RGS9: variants seen among roughly 807,000 people sequenced by gnomAD.
The protein encoded by RGS9 is regulator of G-protein signalling 9.
Under a neutral mutation model 102.0 loss-of-function variants are expected in RGS9, and 78 were observed. The observed-to-expected ratio is 0.76, with a 90% CI of 0.64 to 0.92. RGS9 has a LOEUF of 0.92. RGS9 is among the 40% of genes least tolerant of loss of function. The probability of loss-of-function intolerance (pLI) is 0.00; values close to 1 mark genes in which losing one functional copy is unlikely to be tolerated. For missense variants in RGS9, 833 were observed against 866.1 expected, an observed-to-expected ratio of 0.96 and a Z score of 0.48; for synonymous variants, 353 against 318.6, an observed-to-expected ratio of 1.11 and a Z score of -1.15.
intron 14 of RGS9, 119 bp from the exon 15 acceptor site, chr17:65,204,044 A>C (rs1190852883): frequency 8.2e-7 from 1 of 1,226,684 alleles, no homozygotes; most frequent in Admixed American, 1.9e-5. Flanking sequence ...TCCTAAAAAA[A>C]CCACCACCCT....
At chr17:65,162,458 ATTTATTTATTT>A (rs1355553084) in intron 6 of RGS9, among the ~76,000 whole-genome samples, 4 of 151,774 alleles carry the variant, frequency 2.6e-5, no homozygotes, top group African/African-American at 4.8e-5. Context: ...ACATTTATTT[ATTTATTTATTT>A]TTTATTTATT....
At chr17:65,156,283 A>T (rs1910764413) in intron 2 of RGS9, among the ~76,000 whole-genome samples, 1 of 152,214 alleles carries the variant, frequency 6.6e-6, no homozygotes, top group Non-Finnish European at 1.5e-5. Flanking sequence ...TCGGCCTCCC[A>T]AAGTGCCGGG....
At chr17:65,200,310 G>T (rs1293255175) in intron 13 of RGS9, among the ~76,000 whole-genome samples, 2 of 152,188 alleles carry the variant, frequency 1.3e-5, no homozygotes, top group Non-Finnish European at 2.9e-5. Context: ...GATTACAGGC[G>T]TGAGCCACCC....
At chr17:65,183,558 G>C (rs746110007) in intron 9 of RGS9, among the ~76,000 whole-genome samples, 1 of 152,094 alleles carries the variant, frequency 6.6e-6, no homozygotes, top group African/African-American at 2.4e-5. Flanking sequence ...TGGCCTCCCA[G>C]GGTGCTGGGA....
At chr17:65,215,485 T>TTTCA (rs1208624554) in intron 17 of RGS9, among the ~76,000 whole-genome samples, 1 of 125,106 alleles carries the variant, frequency 8.0e-6, no homozygotes, top group African/African-American at 3.3e-5. Flanking sequence ...TCTATCTTTC[T>TTTCA]TTCGTTCTTT....
chr17:65,158,991 A>C (rs1910878085), intron 3 of RGS9, among the ~76,000 whole-genome samples: 1 of 152,200 alleles, frequency 6.6e-6, no homozygotes. Flanking sequence ...GAATCACAAA[A>C]GAAGTGATAT....
chr17:65,148,480 A>G (rs1046187881), intron 1 of RGS9, among the ~76,000 whole-genome samples: 3 of 152,104 alleles, frequency 2.0e-5, no homozygotes, highest in Non-Finnish European at 4.4e-5. Context: ...AATTTTTCTG[A>G]TGAACCTCCA....
intron 8 of RGS9, among the ~76,000 whole-genome samples, chr17:65,171,408 C>T (rs934483077): frequency 6.6e-6 from 1 of 152,186 alleles, no homozygotes; most frequent in African/African-American, 2.4e-5. Flanking sequence ...CAGTAGCCTG[C>T]TCAGTTCTGG....
At chr17:65,177,152 GTCCATCCATCCA>G (rs369454296) in intron 8 of RGS9, among the ~76,000 whole-genome samples, 2 of 121,480 alleles carry the variant, frequency 1.6e-5, no homozygotes. Context: ...TTATCTGTCC[GTCCATCCATCCA>G]TCCATCCATC....
At chr17:65,165,201 G>A (rs1217752852) in intron 7 of RGS9, among the ~76,000 whole-genome samples, 1 of 152,084 alleles carries the variant, frequency 6.6e-6, no homozygotes, top group African/African-American at 2.4e-5. Context: ...TGGGCGCTCT[G>A]GGTGCTCTTG....
intron 9 of RGS9, among the ~76,000 whole-genome samples, chr17:65,186,162 T>TTTTATATA (rs1912109462): frequency 7.2e-6 from 1 of 137,968 alleles, no homozygotes; most frequent in African/African-American, 2.8e-5. Flanking sequence ...TTGGTTTACA[T>TTTTATATA]TTTATTTATT....
chr17:65,196,777 C>T (rs769568446), intron 12 of RGS9, among the ~76,000 whole-genome samples: 11 of 152,220 alleles, frequency 7.2e-5, no homozygotes, highest in Non-Finnish European at 5.9e-5. Flanking sequence ...GTCCAGGTGG[C>T]AGCCTGACCC....
rs1364302196 is a variant in RGS9 at position 65,150,991 on chromosome 17, C to A, written c.58-2431C>A. 2.6e-5 allele frequency among the ~76,000 whole-genome samples: 4 copies of A among 152,284 alleles called. No individual in the cohort carries two copies. The East Asian group carries it at 7.7e-4, about 29-fold the overall frequency. ...AGCAAACAGCGAATAACAAGAGAAA[C>A]ACCTGGGTTTTCTCTAGTCATCTTT... On this transcript the variant is annotated intron_variant, in intron 1 of 18. Transcript: ENST00000262406.
At chr17:65,181,521 G>A (rs1226401982) in intron 9 of RGS9, among the ~76,000 whole-genome samples, 1 of 152,248 alleles carries the variant, frequency 6.6e-6, no homozygotes, top group Non-Finnish European at 1.5e-5. Flanking sequence ...TGGCAGCTGG[G>A]AGGGACTGGC....
intron 9 of RGS9, among the ~76,000 whole-genome samples, chr17:65,188,084 C>A (rs1406728963): frequency 6.6e-6 from 1 of 151,966 alleles, no homozygotes; most frequent in Admixed American, 6.6e-5. Flanking sequence ...TGGACACAAC[C>A]AAACCTAGAA....
chr17:65,146,880 G>A (rs777552100), intron 1 of RGS9, among the ~76,000 whole-genome samples: 3 of 141,590 alleles, frequency 2.1e-5, no homozygotes, highest in East Asian at 3.9e-4. Flanking sequence ...GTAAGACTCC[G>A]TCTCAAAAAC....
chr17:65,217,715 C>T (rs1225557913), intron 17 of RGS9, among the ~76,000 whole-genome samples: 1 of 152,050 alleles, frequency 6.6e-6, no homozygotes, highest in African/African-American at 2.4e-5. Flanking sequence ...AGGGGATGAT[C>T]CTGGGGAGGT....
intron 8 of RGS9, among the ~76,000 whole-genome samples, chr17:65,169,984 C>A (rs1349376699): frequency 1.3e-5 from 2 of 151,928 alleles, no homozygotes; most frequent in African/African-American, 4.8e-5. Context: ...TCACCGTCAC[C>A]ATCACAGTAG....
At chr17:65,210,338 G>A in intron 16 of RGS9, 150 bp from the exon 17 acceptor site, 1 of 957,338 alleles carries the variant, frequency 1.0e-6, no homozygotes, top group South Asian at 1.3e-5. Context: ...AGGAGCCAAG[G>A]TTGGACCCCA....
Sources: gnomAD v4.1 joint callset for allele counts (sites outside exome capture counted in the v4.1 genomes callset) on GRCh38, gnomAD v4.1.1 for gene constraint, MANE v1.5 for transcripts, NCBI Gene and HGNC (gene_info 2026-07-23, HGNC 2026-07-21) for gene names.